The following FANCC variants were observed in gnomAD, a reference collection of about 807,000 sequenced individuals.
FANCC encodes FA complementation group C.
Under a neutral mutation model 71.3 loss-of-function variants are expected in FANCC, and 55 were observed. That is an observed-to-expected ratio of 0.77 (90% CI 0.62 to 0.97). FANCC has a LOEUF of 0.97. Among genes scored for constraint, FANCC ranks in the 50% least tolerant of loss-of-function variants. FANCC has a pLI of 0.00. For missense variants in FANCC, 678 were observed against 670.9 expected, an observed-to-expected ratio of 1.01 and a Z score of -0.12; for synonymous variants, 275 against 244.9, an observed-to-expected ratio of 1.12 and a Z score of -1.15.
intron 1 of FANCC, among the ~76,000 whole-genome samples, chr9:95,312,602 C>T (rs1003628710): frequency 2.6e-5 from 4 of 152,230 alleles, no homozygotes; most frequent in African/African-American, 9.6e-5. Flanking sequence ...TTCTCCCAAG[C>T]CCTGCGGCCT....
chr9:95,300,078 A>T (rs1834629419), intron 1 of FANCC, among the ~76,000 whole-genome samples: 1 of 152,226 alleles, frequency 6.6e-6, no homozygotes, highest in African/African-American at 2.4e-5. Context: ...CGGCCAGCCA[A>T]TTCTATGGTC....
intron 1 of FANCC, among the ~76,000 whole-genome samples, chr9:95,273,773 C>T (rs554100675): frequency 5.1e-4 from 78 of 152,226 alleles, no homozygotes; most frequent in Non-Finnish European, 9.4e-4. Context: ...ATCCAGCCAA[C>T]AGACCCTTTA....
chr9:95,202,250 C>A (rs893346949), intron 4 of FANCC, among the ~76,000 whole-genome samples: 1 of 152,222 alleles, frequency 6.6e-6, no homozygotes, highest in African/African-American at 2.4e-5. Context: ...GGGGAAACTG[C>A]CCCAGTAGAG....
chr9:95,137,699 G>C (rs969007985), intron 7 of FANCC, among the ~76,000 whole-genome samples: 1 of 152,228 alleles, frequency 6.6e-6, no homozygotes, highest in Non-Finnish European at 1.5e-5. Flanking sequence ...TCCGGGAGAG[G>C]AATTGGCTGA....
Position 95,111,476 on chromosome 9 carries a change from C to T in FANCC, c.1316G>A (p.Arg439Lys), listed in dbSNP as rs730881723. The change falls in exon 13 of 15, where the codon AGA (arginine) becomes AAA (lysine). Residue 439 changes from arginine to lysine, a missense_variant. By Grantham distance (26) the Arg-to-Lys change is conservative. Transcript: ENST00000289081. ...CCTGCTACCCACCATAGTCTGTGCT[C>T]TCTGCTGCCTCCCATCACGGGGGCC... The part of the protein sequence containing the change: ...YYGPRDGRQQ[R>K]AQTMVQVKAV... The T allele has an allele frequency of 8.1e-6, 13 of 1,613,306 alleles. No homozygotes were observed. The highest frequency in any genetic ancestry group is 6.7e-5 in the Admixed American group (4 of 60,006).
At chr9:95,126,665 G>T in intron 8 of FANCC, 84 bp from the exon 9 acceptor site, 1 of 1,387,086 alleles carries the variant, frequency 7.2e-7, no homozygotes, top group Non-Finnish European at 1.0e-6. Flanking sequence ...AGGAGTTACT[G>T]GGAACTGCTG....
chr9:95,311,709 C>G (rs1331312384), intron 1 of FANCC, among the ~76,000 whole-genome samples: 14 of 144,592 alleles, frequency 9.7e-5, no homozygotes, highest in African/African-American at 3.6e-4. Flanking sequence ...TCCTCTGAAT[C>G]TGTGTGTGTG....
At chr9:95,203,378 C>CAA (rs55960295) in intron 4 of FANCC, among the ~76,000 whole-genome samples, 2,942 of 104,622 alleles carry the variant, frequency 0.028, 205 homozygotes, top group African/African-American at 0.087. Flanking sequence ...GACCCTGTCT[C>CAA]AAAAAAAAAA....
intron 4 of FANCC, among the ~76,000 whole-genome samples, chr9:95,193,391 A>G (rs1270595509): frequency 6.6e-6 from 1 of 152,120 alleles, no homozygotes; most frequent in East Asian, 1.9e-4. Flanking sequence ...GAGGGTGGAG[A>G]CGAAACAGAC....
intron 4 of FANCC, among the ~76,000 whole-genome samples, chr9:95,212,800 C>T (rs986277721): frequency 1.3e-5 from 2 of 152,080 alleles, no homozygotes; most frequent in Non-Finnish European, 2.9e-5. Context: ...TGTACCACCA[C>T]GATAAACAGA....
intron 14 of FANCC, among the ~76,000 whole-genome samples, chr9:95,105,856 C>T (rs115638869): frequency 6.6e-6 from 1 of 152,206 alleles, no homozygotes; most frequent in Non-Finnish European, 1.5e-5. Context: ...ACAGATCACA[C>T]GGTGCATTGC....
At chr9:95,278,825 TAA>T (rs879481683) in intron 1 of FANCC, among the ~76,000 whole-genome samples, 1 of 31,632 alleles carries the variant, frequency 3.2e-5, no homozygotes, top group African/African-American at 1.2e-4. Flanking sequence ...GAGTAGCCAC[TAA>T]AAAAAAAAAA....
At chr9:95,172,006 A>G in intron 5 of FANCC, 31 bp downstream of exon 5, 1 of 1,333,512 alleles carries the variant, frequency 7.5e-7, no homozygotes, top group Non-Finnish European at 1.1e-6. Context: ...AGCATTAAAC[A>G]TTTCAAAAGT....
chr9:95,181,666 G>T (rs1347837090), intron 4 of FANCC, among the ~76,000 whole-genome samples: 2 of 152,144 alleles, frequency 1.3e-5, no homozygotes, highest in Non-Finnish European at 2.9e-5. Context: ...TAAATGAACA[G>T]GTTCAGACAT....
At chr9:95,210,773 GC>G (rs1564755751) in intron 4 of FANCC, among the ~76,000 whole-genome samples, 1 of 152,054 alleles carries the variant, frequency 6.6e-6, no homozygotes, top group African/African-American at 2.4e-5. Context: ...TGATCTAGAT[GC>G]CCAACAATTT....
intron 4 of FANCC, among the ~76,000 whole-genome samples, chr9:95,230,831 G>A (rs1588319976): frequency 4.6e-5 from 7 of 152,286 alleles, no homozygotes; most frequent in Admixed American, 3.9e-4. Context: ...CTGCTGATTA[G>A]TCCATTTTAC....
At chr9:95,133,714 C>T (rs1827235986) in intron 8 of FANCC, among the ~76,000 whole-genome samples, 1 of 152,086 alleles carries the variant, frequency 6.6e-6, no homozygotes, top group Admixed American at 6.5e-5. Context: ...TCATAAGCAC[C>T]CTGGAAGCAA....
At chr9:95,180,911 G>A (rs986846075) in intron 4 of FANCC, among the ~76,000 whole-genome samples, 1 of 151,960 alleles carries the variant, frequency 6.6e-6, no homozygotes, top group Non-Finnish European at 1.5e-5. Context: ...AATCTTATGA[G>A]ACCACTATTG....
intron 1 of FANCC, among the ~76,000 whole-genome samples, chr9:95,302,081 CAA>C (rs375479917): frequency 3.0e-5 from 3 of 99,002 alleles, no homozygotes; most frequent in Non-Finnish European, 2.0e-5. Context: ...GACTCCATCT[CAA>C]AAAAAAAAAA....
Sources: gnomAD v4.1 joint callset for allele counts (sites outside exome capture counted in the v4.1 genomes callset) on GRCh38, gnomAD v4.1.1 for gene constraint, MANE v1.5 for transcripts, NCBI Gene and HGNC (gene_info 2026-07-23, HGNC 2026-07-21) for gene names.